The following TMOD4 variants were observed in gnomAD, a reference collection of about 807,000 sequenced individuals.
TMOD4 encodes tropomodulin 4, also known as tropomodulin-4.
Under a neutral mutation model 45.4 loss-of-function variants are expected in TMOD4, and 34 were observed. That is an observed-to-expected ratio of 0.75 (90% CI 0.57 to 1.00). The LOEUF is 1.00. TMOD4 is among the 50% of genes least tolerant of loss of function. The pLI is 0.00. For synonymous variants in TMOD4, 131 were observed against 153.9 expected (o/e 0.85, Z 1.10); for missense variants, 399 against 437.5 (o/e 0.91, Z 0.78).
At chr1:151,174,679 C>T in intron 2 of TMOD4, 74 bp downstream of exon 2, 2 of 1,606,400 alleles carry the variant, frequency 1.2e-6, no homozygotes, top group Non-Finnish European at 1.7e-6. Flanking sequence ...AAACCCTATT[C>T]TCAGCCACCC....
intron 4 of TMOD4, among the ~76,000 whole-genome samples, chr1:151,172,906 C>T (rs1263703937): frequency 6.6e-6 from 1 of 152,184 alleles, no homozygotes; most frequent in Non-Finnish European, 1.5e-5. Flanking sequence ...ACTGCAAGCT[C>T]GGCCTCCTGG....
Position 151,171,437 on chromosome 1 carries a change from G to A in TMOD4, c.722C>T (p.Ala241Val). The change falls in exon 7 of 10, where the codon GCC becomes GTC. Residue 241 changes from alanine to valine, a missense_variant. By Grantham distance (64) the Ala-to-Val change is moderately conservative. Transcript: ENST00000295314. Reference protein sequence around the residue: ...LVATRSGDPIANAVADMLREN... With the variant: ...LVATRSGDPIVNAVADMLREN... Reference sequence around the variant, plus strand: ...GGGGATGTCAACTAGCCTTACATTGGCAATGGGGTCACCACTCCTCGTGGC... The same window carrying A: ...GGGGATGTCAACTAGCCTTACATTGACAATGGGGTCACCACTCCTCGTGGC... 6 of 1,613,804 alleles carry A rather than the reference G, an allele frequency of 3.7e-6. No individual in the cohort carries two copies. Among genetic ancestry groups the A allele is most frequent in the Non-Finnish European group, 5.1e-6 (6 of 1,179,738 alleles).
At chr1:151,175,192 C>A (rs1684065699) in intron 1 of TMOD4, 1 of 321,640 alleles carries the variant, frequency 3.1e-6, no homozygotes, top group Non-Finnish European at 5.9e-6. Flanking sequence ...CCTGGCAGCA[C>A]CCCTCCCCTA....
chr1:151,173,420 C>A lies in TMOD4; in HGVS notation c.397+79G>T, dbSNP rs1034919132. 6.7e-6 allele frequency: 7 copies of A among 1,046,340 alleles called. 1 individual carries two copies. The South Asian group carries it at 9.1e-5, about 14-fold the overall frequency. The allele number at this position is 1,046,340 out of a possible 1,614,324, so 64.8% of individuals were successfully genotyped here. A position where few individuals can be genotyped will look rare whatever the true frequency, so the allele number is the denominator to read the frequency against. Reference sequence around the variant, plus strand: ...AGACATCCACATTCTGGTTGAGGGCCTTCCTCACTAGTCCCATGTCATGGC... The same window carrying A: ...AGACATCCACATTCTGGTTGAGGGCATTCCTCACTAGTCCCATGTCATGGC... On this transcript the variant is annotated intron_variant, in intron 4 of 9. Transcript: ENST00000295314.
intron 8 of TMOD4, 104 bp from the exon 9 acceptor site, chr1:151,170,767 G>A: frequency 6.5e-7 from 1 of 1,531,518 alleles, no homozygotes; most frequent in Non-Finnish European, 8.8e-7. Flanking sequence ...TTTCTCCACA[G>A]TGGGTGAAGA....
Position 151,171,526 on chromosome 1 carries a change from G to A in TMOD4, c.633C>T (p.Pro211=). ...NLNNIQDIPI[P]MLSELCEAMK... ...TTGCCTCACACAGCTCACTTAGCAT[G>A]GGTATTGGGATGTCCTATCGGAGGG... is the stretch of plus-strand genomic sequence containing the variant. The change falls in exon 7 of 10, where the codon CCC becomes CCT. Residue 211 remains proline, a synonymous_variant. Coordinates refer to ENST00000295314, the MANE Select transcript of TMOD4 (RefSeq NM_013353.3). The A allele has an allele frequency of 6.2e-7, 1 of 1,614,160 alleles. No individual in the cohort carries two copies. The highest frequency in any genetic ancestry group is 1.3e-5 in the African/African-American group (1 of 75,040).
intron 4 of TMOD4, among the ~76,000 whole-genome samples, chr1:151,173,289 C>G (rs1572085326): frequency 6.6e-6 from 1 of 152,048 alleles, no homozygotes; most frequent in Non-Finnish European, 1.5e-5. Flanking sequence ...CTTTTATTTG[C>G]TCTTACAATC....
At chr1:151,172,089 C>T (rs587661245) in intron 5 of TMOD4, among the ~76,000 whole-genome samples, 179 bp downstream of exon 5, 1 of 152,216 alleles carries the variant, frequency 6.6e-6, no homozygotes, top group South Asian at 2.1e-4. Context: ...CTGCCTCGGC[C>T]TCCCTAAATG....
rs1340982966 is a variant in TMOD4, at chr1:151,171,441, T to C, written c.718A>G (p.Ile240Val). The C allele has an allele frequency of 6.2e-7, 1 of 1,614,040 alleles. No homozygotes were observed. Among genetic ancestry groups the C allele is most frequent in the South Asian group, 1.1e-5 (1 of 91,080 alleles). ...ATGTCAACTAGCCTTACATTGGCAA[T>C]GGGGTCACCACTCCTCGTGGCTACC... The part of the protein sequence containing the change: ...SLVATRSGDP[I>V]ANAVADMLRE... Residue 240 changes from isoleucine (I) to valine (V), a missense_variant, in exon 7 of 10, where the codon ATT (isoleucine) becomes GTT (valine). Ile to Val is a conservative substitution (Grantham distance 29). Transcript: ENST00000295314.
At chr1:151,171,836 T>TTA in intron 5 of TMOD4, 73 bp from the exon 6 acceptor site, 1 of 1,513,420 alleles carries the variant, frequency 6.6e-7, no homozygotes, top group Non-Finnish European at 8.8e-7. Context: ...TTCTTTTCTT[T>TTA]TCTTTTTTTT....
chr1:151,170,255 A>C, intron 9 of TMOD4, 152 bp from the exon 10 acceptor site: 1 of 916,892 alleles, frequency 1.1e-6, no homozygotes, highest in Non-Finnish European at 1.7e-6. Flanking sequence ...AAAACAAAAC[A>C]AGAAACCACA....
At chr1:151,174,043 A>G (rs587772262) in intron 3 of TMOD4, among the ~76,000 whole-genome samples, 49 of 152,158 alleles carry the variant, frequency 3.2e-4, no homozygotes, top group East Asian at 1.2e-3. Context: ...GTGAAACCCC[A>G]TCTCTACTAA....
intron 9 of TMOD4, 161 bp from the exon 10 acceptor site, chr1:151,170,264 C>T: frequency 3.4e-6 from 3 of 892,400 alleles, no homozygotes; most frequent in Non-Finnish European, 5.2e-6. Context: ...CAAGAAACCA[C>T]ACCACAAATA....
chr1:151,173,179 C>T (rs1322872321), intron 4 of TMOD4, among the ~76,000 whole-genome samples: 1 of 152,038 alleles, frequency 6.6e-6, no homozygotes, highest in Non-Finnish European at 1.5e-5. Flanking sequence ...TGGTCTTGAA[C>T]TCCCGAGCTC....
chr1:151,174,453 T>C lies in TMOD4; in HGVS notation c.218A>G (p.Glu73Gly). 1 of 1,614,116 alleles carries C rather than the reference T, an allele frequency of 6.2e-7. No individual in the cohort carries two copies. The highest frequency in any genetic ancestry group is 8.5e-7 in the Non-Finnish European group (1 of 1,180,012). The change falls in exon 3 of 10, where the codon GAG becomes GGG. Residue 73 changes from glutamate (E) to glycine (G), a missense_variant. Physicochemically the swap from Glu to Gly is moderately conservative, Grantham distance 98. Coordinates refer to ENST00000295314, the MANE Select transcript of TMOD4 (RefSeq NM_013353.3). ...LDREALLQYL[E>G]QQALEVKERD... ...CTCTTTGACTTCTAGTGCCTGTTGC[T>C]CCAAGTACTGCAAAAGGGCCTCTCG... is the stretch of plus-strand genomic sequence containing the variant.
Position 151,174,494 on chromosome 1 carries a change from T to A in TMOD4, c.177A>T (p.Pro59=). The A allele has an allele frequency of 1.9e-6, 3 of 1,614,216 alleles. No homozygotes were observed. Among genetic ancestry groups the A allele is most frequent in the Non-Finnish European group, 2.5e-6 (3 of 1,180,040 alleles). The change falls in exon 3 of 10, where the codon CCA becomes CCT. Residue 59 remains proline (P), a synonymous_variant. Transcript: ENST00000295314. ...LRQRDQTKKS[P]TGPLDREALL... ...GGGCCTCTCGGTCCAGTGGCCCCGTTGGGCTCTTCTTTGTCTGGTCACGTT... is the reference window on the plus strand; with the variant it reads ...GGGCCTCTCGGTCCAGTGGCCCCGTAGGGCTCTTCTTTGTCTGGTCACGTT...
At chr1:151,171,197 T>C (rs1683942449) in intron 7 of TMOD4, 134 bp from the exon 8 acceptor site, 1 of 1,059,404 alleles carries the variant, frequency 9.4e-7, no homozygotes, top group African/African-American at 1.6e-5. Context: ...GCTAGAGGGA[T>C]ACAGAAAGCA....
chr1:151,171,409 G>A, intron 7 of TMOD4, 24 bp downstream of exon 7: 2 of 1,593,518 alleles, frequency 1.3e-6, no homozygotes. Flanking sequence ...TGGGGAGAGG[G>A]CTGGGGATGT....
At position 151,171,668 on chromosome 1, in the gene TMOD4, T is replaced by C. The variant is rs779506311; in HGVS notation, c.583A>G (p.Lys195Glu). ...EILKRVRSND[K>E]ELEEVNLNNI... ...TTCAAGTTCACCTCCTCCAGCTCCT[T>C]GTCATTGCTTCGGACCCTCTTTAGT... Residue 195 changes from lysine to glutamate, a missense_variant, in exon 6 of 10, where the codon AAG becomes GAG. Physicochemically the swap from Lys to Glu is moderately conservative, Grantham distance 56 (BLOSUM62 1). Coordinates refer to ENST00000295314, the MANE Select transcript of TMOD4 (RefSeq NM_013353.3). 2 of 1,614,120 alleles carry C rather than the reference T, an allele frequency of 1.2e-6. No homozygotes were observed. Among genetic ancestry groups the C allele is most frequent in the South Asian group, 2.2e-5 (2 of 91,080 alleles).
Sources: gnomAD v4.1 joint callset for allele counts (sites outside exome capture counted in the v4.1 genomes callset) on GRCh38, gnomAD v4.1.1 for gene constraint, MANE v1.5 for transcripts, NCBI Gene and HGNC (gene_info 2026-07-23, HGNC 2026-07-21) for gene names.